The following TOP3A variants were observed in gnomAD, a reference collection of about 807,000 sequenced individuals.
TOP3A encodes the protein DNA topoisomerase III alpha.
TOP3A carries 64 observed loss-of-function variants against 111.3 expected under a neutral mutation model. The ratio of observed to expected loss-of-function variants is 0.57; its 90% CI spans 0.47 to 0.71. TOP3A has a LOEUF of 0.71. Ranked by LOEUF, TOP3A falls within the 30% of genes least tolerant of loss-of-function variation. The pLI, the probability that TOP3A is intolerant of heterozygous loss-of-function variation, is 0.00. For missense variants in TOP3A, 1,104 were observed against 1,285.0 expected (o/e 0.86, Z 2.15); for synonymous variants, 484 against 485.1 (o/e 1.00, Z 0.03).
chr17:18,285,290 A>G lies in TOP3A; in HGVS notation c.1729T>C (p.Tyr577His). ...GLVEGYDSMG[Y>H]EMSKPDLRAE... ...CGGAGGTCAGGCTTAGACATTTCAT[A>G]GCCCATGGAATCATAACCTGCAGGG... Residue 577 changes from tyrosine to histidine, a missense_variant, in exon 15 of 19, where the codon TAT (tyrosine) becomes CAT (histidine). Physicochemically the swap from Tyr to His is moderately conservative, Grantham distance 83. Transcript: ENST00000321105. The G allele has an allele frequency of 6.2e-7, 1 of 1,614,142 alleles. No homozygotes were observed. Among genetic ancestry groups the G allele is most frequent in the Non-Finnish European group, 8.5e-7 (1 of 1,180,030 alleles).
chr17:18,283,600 G>A (rs1302995748), intron 15 of TOP3A, among the ~76,000 whole-genome samples: 1 of 152,120 alleles, frequency 6.6e-6, no homozygotes, highest in East Asian at 1.9e-4. Flanking sequence ...CACACCAGTT[G>A]GACATCCTCT....
chr17:18,292,891 G>T (rs1567742729), intron 10 of TOP3A, 39 bp from the exon 11 acceptor site: 3 of 1,573,896 alleles, frequency 1.9e-6, no homozygotes, highest in South Asian at 1.2e-5. Context: ...GAAATTGCTA[G>T]GCTCTCTGAT....
At chr17:18,297,188 G>A (rs2142975539) in intron 9 of TOP3A, among the ~76,000 whole-genome samples, 1 of 152,342 alleles carries the variant, frequency 6.6e-6, no homozygotes, top group Non-Finnish European at 1.5e-5. Context: ...CACTTTGGGA[G>A]GCTGAGGTGG....
rs749583261 is a variant in TOP3A at position 18,294,683 on chromosome 17, C to T, written c.1073+20G>A. ...TGATAAAGACGGTTCAAATTCTACTCCCAAACCCAAAATACTTACCCTTGA... is the reference window on the plus strand; with the variant it reads ...TGATAAAGACGGTTCAAATTCTACTTCCAAACCCAAAATACTTACCCTTGA... On this transcript the variant is annotated intron_variant, in intron 10 of 18. Transcript: ENST00000321105. The T allele has an allele frequency of 1.1e-5, 18 of 1,585,848 alleles. No homozygotes were observed. The highest frequency in any genetic ancestry group is 1.6e-5 in the Non-Finnish European group (18 of 1,154,724).
At chr17:18,285,845 T>G (rs891663099) in intron 13 of TOP3A, among the ~76,000 whole-genome samples, 22 of 152,186 alleles carry the variant, frequency 1.4e-4, no homozygotes, top group African/African-American at 5.3e-4. Context: ...AACCATTCTT[T>G]AAGCTGTGGC....
intron 3 of TOP3A, among the ~76,000 whole-genome samples, chr17:18,307,980 G>A (rs1210368817): frequency 6.6e-6 from 1 of 150,508 alleles, no homozygotes; most frequent in Non-Finnish European, 1.5e-5. Context: ...AGGAGGCTGA[G>A]GTGGGCAGAC....
At position 18,291,016 on chromosome 17, in the gene TOP3A, C is replaced by A. The variant is rs917907940; in HGVS notation, c.1293G>T (p.Gln431His). 6.2e-7 allele frequency: 1 copy of A among 1,614,002 alleles called. No homozygotes were observed. The highest frequency in any genetic ancestry group is 8.5e-7 in the Non-Finnish European group (1 of 1,180,018). Residue 431 changes from glutamine (Q) to histidine (H), a missense_variant, in exon 12 of 19, where the codon CAG becomes CAT. Coordinates refer to ENST00000321105, the MANE Select transcript of TOP3A (RefSeq NM_004618.5). ...KYTNNLQGDE[Q>H]RLYEFIVRHF... The stretch of plus-strand genomic sequence containing the variant: ...GGCGAACAATAAACTCGTACAGTCG[C>A]TGTTCATCTCCCTAGGAAGAAAAGA...
intron 17 of TOP3A, 173 bp downstream of exon 17, chr17:18,280,363 T>C (rs1033048187): frequency 1.7e-5 from 11 of 640,594 alleles, no homozygotes; most frequent in Non-Finnish European, 2.5e-5. Flanking sequence ...AGTGACAGCA[T>C]GGAACACAAC....
chr17:18,294,740 CTTTAGCA>C lies in TOP3A; in HGVS notation c.1029_1035del (p.Asn343LysfsTer4), dbSNP rs761300793. On this transcript the variant is annotated frameshift_variant, in exon 10 of 19. Transcript: ENST00000321105. LOFTEE classifies it high-confidence loss of function. ...AGCTTCTCAGCAATCCTCATGGTTTCTTTAGCATTTATTCTCAACTTTCGAGAAGCCA... is the reference window on the plus strand; with the variant it reads ...AGCTTCTCAGCAATCCTCATGGTTTCTTTATTCTCAACTTTCGAGAAGCCA... The C allele has an allele frequency of 1.2e-5, 20 of 1,613,368 alleles. No homozygotes were observed. Among genetic ancestry groups the C allele is most frequent in the Non-Finnish European group, 1.7e-5 (20 of 1,179,746 alleles).
rs1980447420 is a variant in TOP3A, at chr17:18,291,038, AAG to A, written c.1282-13_1282-12del. 6.2e-7 allele frequency: 1 copy of A among 1,613,186 alleles called. No homozygotes were observed. Among genetic ancestry groups the A allele is most frequent in the African/African-American group, 1.3e-5 (1 of 74,884 alleles). On this transcript the variant is annotated splice_polypyrimidine_tract_variant and intron_variant, in intron 11 of 18. Transcript: ENST00000321105. ...TCGCTGTTCATCTCCCTAGGAAGAA[AAG>A]AGGAGTACGAAACTCCCCCTAGAAT... is the stretch of plus-strand genomic sequence containing the variant.
intron 9 of TOP3A, among the ~76,000 whole-genome samples, chr17:18,297,264 A>G (rs1980870404): frequency 6.6e-6 from 1 of 152,246 alleles, no homozygotes; most frequent in Non-Finnish European, 1.5e-5. Context: ...TGTCTCTACT[A>G]CAAACACAAA....
chr17:18,292,586 T>A, intron 11 of TOP3A, 59 bp downstream of exon 11: 2 of 1,411,556 alleles, frequency 1.4e-6, no homozygotes, highest in South Asian at 3.0e-5. Context: ...CAAACCTTAC[T>A]ACTGACCCCC....
At chr17:18,306,387 G>A (rs1439321855) in intron 4 of TOP3A, among the ~76,000 whole-genome samples, 1 of 152,036 alleles carries the variant, frequency 6.6e-6, no homozygotes, top group Non-Finnish European at 1.5e-5. Context: ...TTTTGATAGG[G>A]TCTCACTTTC....
chr17:18,314,666 C>T lies in TOP3A; in HGVS notation c.113G>A (p.Cys38Tyr), dbSNP rs572186064. The T allele has an allele frequency of 1.2e-6, 2 of 1,613,636 alleles. No individual in the cohort carries two copies. Among genetic ancestry groups the T allele is most frequent in the Admixed American group, 1.7e-5 (1 of 59,952 alleles). Residue 38 changes from cysteine (C) to tyrosine (Y), a missense_variant, in exon 1 of 19, where the codon TGT becomes TAT. Physicochemically the swap from Cys to Tyr is radical, Grantham distance 194. Transcript: ENST00000321105. ...GGCCGCGTCGTTTTTTTCGGCCACACAGAGGACTTTCCGCACGCCTCGGAG... is the reference window on the plus strand; with the variant it reads ...GGCCGCGTCGTTTTTTTCGGCCACATAGAGGACTTTCCGCACGCCTCGGAG... ...MALRGVRKVLCVAEKNDAAKG... is the reference protein window; with the variant it reads ...MALRGVRKVLYVAEKNDAAKG...
chr17:18,297,955 C>T (rs1980941284), intron 9 of TOP3A, among the ~76,000 whole-genome samples: 1 of 149,264 alleles, frequency 6.7e-6, no homozygotes, highest in Non-Finnish European at 1.5e-5. Flanking sequence ...TCTGCCCGGC[C>T]GCCATCCCAT....
intron 13 of TOP3A, among the ~76,000 whole-genome samples, chr17:18,286,985 T>C (rs1239433685): frequency 1.3e-5 from 2 of 152,074 alleles, no homozygotes; most frequent in African/African-American, 4.8e-5. Context: ...TGTTTCACCA[T>C]GTTGGTGAAG....
intron 7 of TOP3A, 35 bp downstream of exon 7, chr17:18,302,229 A>G (rs1981276634): frequency 1.3e-6 from 2 of 1,569,750 alleles, no homozygotes; most frequent in African/African-American, 1.4e-5. Flanking sequence ...TTGAGCCCAT[A>G]GGTCCCAGGC....
intron 11 of TOP3A, 26 bp from the exon 12 acceptor site, chr17:18,291,053 C>T (rs760157675): frequency 6.2e-7 from 1 of 1,608,844 alleles, no homozygotes; most frequent in Non-Finnish European, 8.5e-7. Context: ...GAGTACGAAA[C>T]TCCCCCTAGA....
At chr17:18,280,159 TTTTTTTAAATAAAAA>T (rs1324578740) in intron 17 of TOP3A, 6 of 123,634 alleles carry the variant, frequency 4.9e-5, no homozygotes, top group Non-Finnish European at 1.0e-4. Context: ...AAAAAAAATT[TTTTTTTAAATAAAAA>T]TTTTTTTTTT....
Sources: gnomAD v4.1 joint callset for allele counts (sites outside exome capture counted in the v4.1 genomes callset) on GRCh38, gnomAD v4.1.1 for gene constraint, MANE v1.5 for transcripts, NCBI Gene and HGNC (gene_info 2026-07-23, HGNC 2026-07-21) for gene names.